Variants in ABHD12 observed in about 807,000 individuals in gnomAD.
ABHD12 encodes lysophosphatidylserine lipase ABHD12.
In ABHD12, 43 loss-of-function variants were observed where a neutral mutation model predicts 58.3. That is an observed-to-expected ratio of 0.74 (90% CI 0.58 to 0.95). The LOEUF is 0.95. ABHD12 is among the 40% of genes least tolerant of loss of function. ABHD12 has a pLI of 0.00. For synonymous variants in ABHD12, 219 were observed against 211.2 expected (o/e 1.04, Z -0.32); for missense variants, 539 against 537.2 (o/e 1.00, Z -0.03).
chr20:25,321,561 AAC>A (rs1229149232), intron 3 of ABHD12, among the ~76,000 whole-genome samples: 1 of 152,248 alleles, frequency 6.6e-6, no homozygotes, highest in Non-Finnish European at 1.5e-5. Flanking sequence ...AACACACAGC[AAC>A]ACACAGCGTG....
At chr20:25,340,347 T>C (rs1201703617) in intron 1 of ABHD12, among the ~76,000 whole-genome samples, 1 of 152,252 alleles carries the variant, frequency 6.6e-6, no homozygotes, top group Non-Finnish European at 1.5e-5. Flanking sequence ...TTAACATTTT[T>C]ATAAATTTCT....
chr20:25,381,968 C>T (rs1299960986), intron 1 of ABHD12, among the ~76,000 whole-genome samples: 1 of 152,120 alleles, frequency 6.6e-6, no homozygotes, highest in Non-Finnish European at 1.5e-5. Flanking sequence ...GTACCCTGAG[C>T]TCTTAATATT....
At chr20:25,378,678 G>C (rs2089987697) in intron 1 of ABHD12, among the ~76,000 whole-genome samples, 1 of 148,124 alleles carries the variant, frequency 6.8e-6, no homozygotes, top group African/African-American at 2.5e-5. Context: ...AGCCTGATAA[G>C]AACTGAAGAT....
chr20:25,297,224 T>A (rs1568703838), downstream of ABHD12: 1 of 152,444 alleles, frequency 6.6e-6, no homozygotes, highest in East Asian at 1.9e-4. Flanking sequence ...GTCTGCTGTC[T>A]CAGAGGCCTT....
intron 1 of ABHD12, among the ~76,000 whole-genome samples, chr20:25,359,737 T>C (rs2089719982): frequency 1.3e-5 from 2 of 151,848 alleles, no homozygotes; most frequent in Non-Finnish European, 2.9e-5. Context: ...GCCTGCTGAG[T>C]TTTTTTATTT....
intron 2 of ABHD12, among the ~76,000 whole-genome samples, chr20:25,336,134 A>C (rs1212605706): frequency 6.6e-6 from 1 of 152,158 alleles, no homozygotes; most frequent in Non-Finnish European, 1.5e-5. Context: ...GCTGAGTCTC[A>C]TCCAAACATC....
intron 5 of ABHD12, 103 bp from the exon 6 acceptor site, chr20:25,315,073 G>A (rs1022641996): frequency 5.9e-6 from 7 of 1,195,682 alleles, no homozygotes. Flanking sequence ...CCTCTGCCTT[G>A]TACGTAGTGG....
chr20:25,309,638 A>C, intron 6 of ABHD12, 63 bp from the exon 7 acceptor site: 1 of 1,605,196 alleles, frequency 6.2e-7, no homozygotes, highest in Non-Finnish European at 8.5e-7. Flanking sequence ...GGACAAACAC[A>C]CCTCCCCAAG....
rs879755315 is a variant in ABHD12, at chr20:25,390,583, G to C, written c.121C>G (p.Arg41Gly). The change falls in exon 1 of 13, where the codon CGC (arginine) becomes GGC (glycine). Residue 41 changes from arginine to glycine, a missense_variant. By Grantham distance (125) the Arg-to-Gly change is moderately radical (BLOSUM62 -2). Transcript: ENST00000339157. The stretch of plus-strand genomic sequence containing the variant: ...TCAGCCGCCGCCGGGCCCGTCAGGC[G>C]TAGGTTCTGCTTCAGGCGGCAGTCG... ...DADCRLKQNL[R>G]LTGPAAAEPR... 2.0e-6 allele frequency: 3 copies of C among 1,479,022 alleles called. No homozygotes were observed. Among genetic ancestry groups the C allele is most frequent in the Non-Finnish European group, 2.7e-6 (3 of 1,121,740 alleles). The allele number at this position is 1,479,022 out of a possible 1,614,324, so 91.6% of individuals were successfully genotyped here.
chr20:25,374,110 T>C (rs577090598), intron 1 of ABHD12, among the ~76,000 whole-genome samples: 1 of 152,294 alleles, frequency 6.6e-6, no homozygotes, highest in African/African-American at 2.4e-5. Flanking sequence ...TTTTTCTTTT[T>C]TGATGAGGTC....
At chr20:25,314,184 G>A (rs2088917807) in intron 6 of ABHD12, among the ~76,000 whole-genome samples, 2 of 151,984 alleles carry the variant, frequency 1.3e-5, no homozygotes, top group South Asian at 4.2e-4. Flanking sequence ...TGTTGGCCAG[G>A]CTGGTCACGA....
chr20:25,390,477 G>GGCCCCCCCCCCCCCCCCCCCCC, intron 1 of ABHD12, 36 bp downstream of exon 1: 1 of 98,530 alleles, frequency 1.0e-5, no homozygotes, highest in East Asian at 7.1e-4. Flanking sequence ...TGAGGGACCG[G>GGCCCCCCCCCCCCCCCCCCCCC]CCCCCCCCCC....
At position 25,306,817 on chromosome 20, in the gene ABHD12, G is replaced by A. The variant is rs1422676003; in HGVS notation, c.950+16C>T. On this transcript the variant is annotated intron_variant, in intron 10 of 12. Transcript: ENST00000339157. ...TTTCTAAATAGGAAAATTAGTTCCT[G>A]TCCCATAATACTCACTTTTCATCAT... 6.4e-7 allele frequency: 1 copy of A among 1,572,424 alleles called. No homozygotes were observed. Among genetic ancestry groups the A allele is most frequent in the African/African-American group, 1.4e-5 (1 of 73,840 alleles).
In ABHD12 at chr20:25,306,844, T is replaced by C; in HGVS notation, c.939A>G (p.Ala313=). The stretch of plus-strand genomic sequence containing the variant: ...CCCATAATACTCACTTTTCATCATT[T>C]GCAAATTTAATTCCACTACTTGTAA... ...DPITSSGIKF[A]NDENVKHISC... The change falls in exon 10 of 13, where the codon GCA becomes GCG. Residue 313 remains alanine, a synonymous_variant. Coordinates refer to ENST00000339157, the MANE Select transcript of ABHD12 (RefSeq NM_001042472.3). 6.2e-7 allele frequency: 1 copy of C among 1,610,304 alleles called. No homozygotes were observed. The highest frequency in any genetic ancestry group is 8.5e-7 in the Non-Finnish European group (1 of 1,176,710).
intron 2 of ABHD12, among the ~76,000 whole-genome samples, chr20:25,325,006 T>A (rs1007574867): frequency 6.7e-6 from 1 of 148,450 alleles, no homozygotes; most frequent in Non-Finnish European, 1.5e-5. Context: ...GATTTTTTGA[T>A]ACCAGCCTGG....
intron 1 of ABHD12, among the ~76,000 whole-genome samples, chr20:25,379,858 CTT>C (rs961320400): frequency 4.1e-5 from 6 of 145,460 alleles, no homozygotes; most frequent in African/African-American, 1.3e-4. Context: ...CTGGCTAATT[CTT>C]TTTTTTTTTG....
At chr20:25,304,477 C>G (rs1399634232) in intron 10 of ABHD12, among the ~76,000 whole-genome samples, 2 of 152,248 alleles carry the variant, frequency 1.3e-5, no homozygotes, top group Non-Finnish European at 1.5e-5. Context: ...GGGGTCTCAC[C>G]CAGGGTCACC....
intron 1 of ABHD12, among the ~76,000 whole-genome samples, chr20:25,350,948 C>T (rs1468379279): frequency 5.4e-5 from 8 of 146,888 alleles, no homozygotes; most frequent in African/African-American, 2.0e-4. Context: ...GGCTTCCATC[C>T]TACGAATCCT....
At chr20:25,306,615 CA>C (rs2088747260) in intron 10 of ABHD12, among the ~76,000 whole-genome samples, 2 of 152,178 alleles carry the variant, frequency 1.3e-5, no homozygotes, top group Non-Finnish European at 2.9e-5. Context: ...CTCCTAGGAT[CA>C]AGCGATCTGC....
Sources: gnomAD v4.1 joint callset for allele counts (sites outside exome capture counted in the v4.1 genomes callset) on GRCh38, gnomAD v4.1.1 for gene constraint, MANE v1.5 for transcripts, NCBI Gene and HGNC (gene_info 2026-07-23, HGNC 2026-07-21) for gene names.